BAHD1: variants seen among roughly 807,000 people sequenced by gnomAD.
The protein encoded by BAHD1 is bromo adjacent homology domain-containing 1 protein.
In BAHD1, 20 loss-of-function variants were observed where a neutral mutation model predicts 63.1. The ratio of observed to expected loss-of-function variants is 0.32; its 90% CI spans 0.22 to 0.46. The LOEUF (loss-of-function observed/expected upper bound fraction) is 0.46, where lower values mean the gene tolerates loss of function less well. Ranked by LOEUF, BAHD1 falls within the 20% of genes least tolerant of loss-of-function variation. The pLI is 1.00. For missense variants in BAHD1, 939 were observed against 1,071.8 expected, an observed-to-expected ratio of 0.88 and a Z score of 1.73; for synonymous variants, 408 against 426.8, an observed-to-expected ratio of 0.96 and a Z score of 0.54.
intron 1 of BAHD1, among the ~76,000 whole-genome samples, chr15:40,448,677 C>T (rs1333697547): frequency 6.6e-6 from 1 of 152,188 alleles, no homozygotes; most frequent in Non-Finnish European, 1.5e-5. Context: ...GCTGGGACTA[C>T]AGGCACACAC....
At chr15:40,452,910 G>A (rs1223107900) in intron 1 of BAHD1, among the ~76,000 whole-genome samples, 1 of 152,234 alleles carries the variant, frequency 6.6e-6, no homozygotes, top group Non-Finnish European at 1.5e-5. Flanking sequence ...GAAAAGGAGT[G>A]TCATCATCAT....
chr15:40,465,827 C>A lies in BAHD1; in HGVS notation c.2154-114C>A. On this transcript the variant is annotated intron_variant, in intron 6 of 6. Transcript: ENST00000416165. ...GGGATGGGTGGAGACAGTACCACCC[C>A]TTGGGGAGCTAGGATAGCCTAGCTC... 3.6e-6 allele frequency: 4 copies of A among 1,121,942 alleles called. No individual in the cohort carries two copies. In the East Asian group the frequency reaches 7.2e-5, roughly 20 times the overall value. 69.5% of individuals were successfully genotyped at this position (1,121,942 alleles called of 1,614,324 possible). A position where few individuals can be genotyped will look rare whatever the true frequency, so the allele number is the denominator to read the frequency against.
At chr15:40,444,325 CTGTAAA>C (rs1044194328) in intron 1 of BAHD1, among the ~76,000 whole-genome samples, 2 of 152,112 alleles carry the variant, frequency 1.3e-5, no homozygotes, top group African/African-American at 4.8e-5. Flanking sequence ...GTTTGGGGTG[CTGTAAA>C]TGGGAAATTT....
intron 1 of BAHD1, among the ~76,000 whole-genome samples, chr15:40,449,200 A>G (rs1893633620): frequency 6.6e-6 from 1 of 152,194 alleles, no homozygotes; most frequent in South Asian, 2.1e-4. Flanking sequence ...GGGAAGATAA[A>G]TGAGATAGTG....
chr15:40,454,390 C>G (rs557120239), intron 1 of BAHD1: 1 of 152,494 alleles, frequency 6.6e-6, no homozygotes, highest in East Asian at 1.9e-4. Context: ...TGACTACACT[C>G]AGACCCTACT....
At chr15:40,442,309 G>C (rs1347732619) in intron 1 of BAHD1, among the ~76,000 whole-genome samples, 2 of 151,988 alleles carry the variant, frequency 1.3e-5, no homozygotes, top group Non-Finnish European at 2.9e-5. Context: ...TGCGGGGGCC[G>C]GGGCGCCCGC....
rs778939650 is a variant in BAHD1 at position 40,463,886 on chromosome 15, A to C, written c.1841A>C (p.Lys614Thr). ...GATGAGCCGGAGCCAGCCATCCGAA[A>C]GAGCTACCAGGCGGTAGAGCGGCAT... ...VLDEPEPAIRKSYQAVERHGE... is the reference protein window; with the variant it reads ...VLDEPEPAIRTSYQAVERHGE... Residue 614 changes from lysine (K) to threonine (T), a missense_variant, in exon 4 of 7, where the codon AAG (lysine) becomes ACG (threonine). Transcript: ENST00000416165. The C allele has an allele frequency of 4.3e-6, 7 of 1,614,250 alleles. No individual in the cohort carries two copies. In the South Asian group the frequency reaches 7.7e-5, roughly 18 times the overall value.
chr15:40,458,917 C>T lies in BAHD1; in HGVS notation c.453C>T (p.Pro151=), dbSNP rs1595858814. The change falls in exon 2 of 7, where the codon CCC becomes CCT. Residue 151 remains proline, a synonymous_variant. Transcript: ENST00000416165. This position sits in a 1 kb window ranked among gnomAD's most constrained non-coding sequence, Gnocchi z 4.7. ...CCCGCCGCAGTCGAGCAGGGGATCCCCACCGCAGCCGTGACCGTGATCGTG... is the reference window on the plus strand; with the variant it reads ...CCCGCCGCAGTCGAGCAGGGGATCCTCACCGCAGCCGTGACCGTGATCGTG... ...AGTRRSRAGD[P]HRSRDRDRAT... 1.3e-6 allele frequency: 2 copies of T among 1,597,352 alleles called. No homozygotes were observed. Among genetic ancestry groups the T allele is most frequent in the African/African-American group, 1.3e-5 (1 of 74,702 alleles).
intron 6 of BAHD1, 93 bp from the exon 7 acceptor site, chr15:40,465,848 A>G (rs1158281839): frequency 2.2e-6 from 3 of 1,335,744 alleles, no homozygotes; most frequent in Non-Finnish European, 3.1e-6. Context: ...AGGATAGCCT[A>G]GCTCTCTGGG....
intron 1 of BAHD1, among the ~76,000 whole-genome samples, chr15:40,450,818 A>C (rs547920383): frequency 6.6e-6 from 1 of 152,208 alleles, no homozygotes; most frequent in East Asian, 1.9e-4. Flanking sequence ...GTCTGGGAAA[A>C]GTTGCATTTG....
At chr15:40,451,039 C>T (rs973715219) in intron 1 of BAHD1, among the ~76,000 whole-genome samples, 2 of 150,672 alleles carry the variant, frequency 1.3e-5, no homozygotes, top group Non-Finnish European at 2.9e-5. Flanking sequence ...TCGGGATACT[C>T]CTGCTGAGGC....
intron 3 of BAHD1, among the ~76,000 whole-genome samples, 166 bp from the exon 4 acceptor site, chr15:40,463,695 C>G (rs1298740873): frequency 6.6e-6 from 1 of 152,184 alleles, no homozygotes; most frequent in Non-Finnish European, 1.5e-5. Context: ...TTTCTCCAAC[C>G]ATGAGAATTC....
rs954578368 is a variant in BAHD1, at chr15:40,464,622, G to T, written c.2052+75G>T. The T allele has an allele frequency of 1.8e-5, 24 of 1,297,716 alleles. No homozygotes were observed. The South Asian group carries it at 2.6e-4, about 14-fold the overall frequency. The allele number at this position is 1,297,716 out of a possible 1,614,324, so 80.4% of individuals were successfully genotyped here. A position where few individuals can be genotyped will look rare whatever the true frequency, so the allele number is the denominator to read the frequency against. On this transcript the variant is annotated intron_variant, in intron 5 of 6. Coordinates refer to ENST00000416165, the MANE Select transcript of BAHD1 (RefSeq NM_014952.5). ...AGGTTATGGCACTAAGACGTGGTAGGGGGAGGGCAGCCATGGGCTGTAGTC... is the reference window on the plus strand; with the variant it reads ...AGGTTATGGCACTAAGACGTGGTAGTGGGAGGGCAGCCATGGGCTGTAGTC...
intron 1 of BAHD1, chr15:40,443,343 C>G: frequency 1.0e-6 from 1 of 981,088 alleles, no homozygotes; most frequent in Middle Eastern, 5.2e-4. Flanking sequence ...TTACCTCACT[C>G]AGGAGGCTAA....
intron 3 of BAHD1, among the ~76,000 whole-genome samples, chr15:40,463,307 AAAAT>A (rs1275301465): frequency 1.3e-5 from 2 of 152,332 alleles, no homozygotes; most frequent in South Asian, 2.1e-4. Flanking sequence ...CCTGTCTCTA[AAAAT>A]AAATAAATAC....
intron 1 of BAHD1, among the ~76,000 whole-genome samples, chr15:40,456,106 G>C (rs1474960717): frequency 6.6e-6 from 1 of 152,200 alleles, no homozygotes; most frequent in Non-Finnish European, 1.5e-5. Flanking sequence ...CCAAGTAGCT[G>C]GGACTACGGG....
chr15:40,463,527 G>GT (rs748404167), intron 3 of BAHD1, among the ~76,000 whole-genome samples: 1 of 152,180 alleles, frequency 6.6e-6, no homozygotes, highest in Non-Finnish European at 1.5e-5. Flanking sequence ...TATAACAGTG[G>GT]TTTAAGGGTT....
rs532982645 is a variant in BAHD1, at chr15:40,459,720, C to T, written c.1256C>T (p.Pro419Leu). The T allele has an allele frequency of 2.4e-5, 38 of 1,613,960 alleles. No homozygotes were observed. The highest frequency in any genetic ancestry group is 2.0e-4 in the South Asian group (18 of 91,064). The stretch of plus-strand genomic sequence containing the variant: ...CACGAGGAGGGGCTCCTCTTAGCTC[C>T]GAGCTCAGTGCCCTCAGGCACCCCT... ...APHEEGLLLA[P>L]SSVPSGTPFQ... Residue 419 changes from proline (P) to leucine (L), a missense_variant, in exon 2 of 7, where the codon CCG becomes CTG. Physicochemically the swap from Pro to Leu is moderately conservative, Grantham distance 98. Around this residue, in one of 5 missense-constraint regions of BAHD1, gnomAD observed 797 missense variants for 813.3 expected, o/e 0.98. Transcript: ENST00000416165.
In BAHD1 at chr15:40,441,117, C is replaced by G. The variant is rs950508548; in HGVS notation, c.-166C>G. The G allele has an allele frequency of 6.7e-6, 1 of 148,460 alleles. No individual in the cohort carries two copies. Among genetic ancestry groups the G allele is most frequent in the Non-Finnish European group, 1.5e-5 (1 of 66,630 alleles). 9.2% of individuals were successfully genotyped at this position (148,460 alleles called of 1,614,324 possible). A position where few individuals can be genotyped will look rare whatever the true frequency, so the allele number is the denominator to read the frequency against. On this transcript the variant is annotated 5_prime_UTR_variant, in exon 1 of 7. Coordinates refer to ENST00000416165, the MANE Select transcript of BAHD1 (RefSeq NM_014952.5). ...CCCCGCCCGGCCGCGGTCCCCGCTC[C>G]GCCCGCCCGGCCCCGGCCCCCAGGA...
Sources: allele counts gnomAD v4.1 joint callset (sites outside exome capture counted in the v4.1 genomes callset), GRCh38; gene constraint gnomAD v4.1.1; regional missense constraint gnomAD v4.1.1; non-coding constraint Gnocchi (gnomAD v3.1); transcripts MANE v1.5; gene names NCBI Gene and HGNC (gene_info 2026-07-23, HGNC 2026-07-21).